VWC2: variants seen among roughly 807,000 people sequenced by gnomAD.
The protein encoded by VWC2 is brorin.
Under a neutral mutation model 29.8 loss-of-function variants are expected in VWC2, and 14 were observed. The ratio of observed to expected loss-of-function variants is 0.47; its 90% CI spans 0.31 to 0.74. The LOEUF (loss-of-function observed/expected upper bound fraction) is 0.74. Ranked by LOEUF, VWC2 falls within the 30% of genes least tolerant of loss-of-function variation. VWC2 has a pLI of 0.05. For missense variants in VWC2, 457 were observed against 459.8 expected, an observed-to-expected ratio of 0.99 and a Z score of 0.05; for synonymous variants, 213 against 199.0, an observed-to-expected ratio of 1.07 and a Z score of -0.59.
rs142414052 is a variant in VWC2, at chr7:49,846,357, T to G, written c.826+43517T>G. On this transcript the variant is annotated intron_variant, in intron 3 of 3. Transcript: ENST00000340652. ...ACCTGCACTTCTGTGATCTGGTCTC[T>G]TAACAGCTGTCCACTGTTGCTGCTC... Among the ~76,000 whole-genome samples, 188 of 152,364 alleles carry G rather than the reference T, an allele frequency of 1.2e-3. 1 individual carries two copies. In the East Asian group the frequency reaches 0.025, roughly 20 times the overall value.
intron 2 of VWC2, among the ~76,000 whole-genome samples, chr7:49,796,177 G>T (rs1253823781): frequency 6.6e-6 from 1 of 152,204 alleles, no homozygotes; most frequent in Non-Finnish European, 1.5e-5. Context: ...ACTTTATGCT[G>T]AATAGTTGTA....
At chr7:49,814,447 TC>T (rs1360168741) in intron 3 of VWC2, among the ~76,000 whole-genome samples, 1 of 152,200 alleles carries the variant, frequency 6.6e-6, no homozygotes, top group Non-Finnish European at 1.5e-5. Context: ...CTTCCTGAGA[TC>T]TTTGAATTAG....
intron 2 of VWC2, among the ~76,000 whole-genome samples, chr7:49,788,516 AG>A (rs1562704572): frequency 6.7e-6 from 1 of 148,162 alleles, no homozygotes; most frequent in Admixed American, 6.7e-5. Flanking sequence ...AGTGTGTGTG[AG>A]TGTGGGTGTG....
At chr7:49,823,298 G>C (rs1363055880) in intron 3 of VWC2, among the ~76,000 whole-genome samples, 1 of 152,120 alleles carries the variant, frequency 6.6e-6, no homozygotes, top group Non-Finnish European at 1.5e-5. Context: ...TGCATCCAGG[G>C]ACAGGGTAAA....
Position 49,775,852 on chromosome 7 carries a change from C to A in VWC2, c.417C>A (p.Pro139=), listed in dbSNP as rs1269433061. 1.3e-6 allele frequency: 2 copies of A among 1,552,460 alleles called. No individual in the cohort carries two copies. Among genetic ancestry groups the A allele is most frequent in the South Asian group, 1.2e-5 (1 of 84,268 alleles). ...TTGGCCCGGAACTCGCGCCCACGCC[C>A]GAGCCACCCGAGGAGTACGTGTACC... is the stretch of plus-strand genomic sequence containing the variant. ...DAIGPELAPT[P]EPPEEYVYPD... The change falls in exon 2 of 4, where the codon CCC becomes CCA. Residue 139 remains proline (P), a synonymous_variant. Coordinates refer to ENST00000340652, the MANE Select transcript of VWC2 (RefSeq NM_198570.5).
Position 49,919,733 on chromosome 7 carries a change from C to G in VWC2, c.*7548C>G, listed in dbSNP as rs148761237. On this transcript the variant is annotated 3_prime_UTR_variant, in exon 4 of 4. Coordinates refer to ENST00000340652, the MANE Select transcript of VWC2 (RefSeq NM_198570.5). ...AGCAATGGTGAAGGTTGTGGGTGGA[C>G]AGAGGTAGTCCCACTCATCCCCAGG... 3 of 152,408 alleles carry G rather than the reference C, an allele frequency of 2.0e-5. No homozygotes were observed. In the East Asian group the frequency reaches 5.8e-4, roughly 29 times the overall value. The allele number at this position is 152,408 out of a possible 1,614,324, so 9.4% of individuals were successfully genotyped here. A position where few individuals can be genotyped will look rare whatever the true frequency, so the allele number is the denominator to read the frequency against.
rs1481922417 is a variant in VWC2 at position 49,776,196 on chromosome 7, C to A, written c.696+65C>A. ...AGGAAGGGGTGGAACAGCTTTGGTTCTGTGGTCCCCCACTTTGAAGAAGAG... is the reference window on the plus strand; with the variant it reads ...AGGAAGGGGTGGAACAGCTTTGGTTATGTGGTCCCCCACTTTGAAGAAGAG... On this transcript the variant is annotated intron_variant, in intron 2 of 3. Transcript: ENST00000340652. 28 of 1,347,372 alleles carry A rather than the reference C, an allele frequency of 2.1e-5. No individual in the cohort carries two copies. The East Asian group carries it at 6.6e-4, about 32-fold the overall frequency. 83.5% of individuals were successfully genotyped at this position (1,347,372 alleles called of 1,614,324 possible). A position where few individuals can be genotyped will look rare whatever the true frequency, so the allele number is the denominator to read the frequency against.
At chr7:49,863,783 T>G (rs541523773) in intron 3 of VWC2, among the ~76,000 whole-genome samples, 33 of 152,286 alleles carry the variant, frequency 2.2e-4, no homozygotes, top group African/African-American at 7.2e-4. Context: ...ATTATTTCCT[T>G]CCTCCTGCTA....
At chr7:49,860,141 T>G (rs1416704523) in intron 3 of VWC2, among the ~76,000 whole-genome samples, 1 of 152,202 alleles carries the variant, frequency 6.6e-6, no homozygotes, top group African/African-American at 2.4e-5. Flanking sequence ...TCTTTTTAAG[T>G]GTTCAATCCA....
At chr7:49,784,436 T>C (rs576033933) in intron 2 of VWC2, among the ~76,000 whole-genome samples, 70 of 152,370 alleles carry the variant, frequency 4.6e-4, no homozygotes, top group African/African-American at 1.6e-3. Flanking sequence ...AAGTTGTGGC[T>C]GTCTGGGAGC....
chr7:49,778,621 G>T (rs933323630), intron 2 of VWC2, among the ~76,000 whole-genome samples: 3 of 152,242 alleles, frequency 2.0e-5, no homozygotes, highest in Non-Finnish European at 4.4e-5. Flanking sequence ...GTACAAAAGA[G>T]AAAGCAATGC....
At position 49,915,591 on chromosome 7, in the gene VWC2, T is replaced by C. The variant is rs1159686259; in HGVS notation, c.*3406T>C. 6.6e-6 allele frequency: 1 copy of C among 152,186 alleles called. No individual in the cohort carries two copies. Among genetic ancestry groups the C allele is most frequent in the Non-Finnish European group, 1.5e-5 (1 of 68,018 alleles). 9.4% of individuals were successfully genotyped at this position (152,186 alleles called of 1,614,324 possible). ...TGAAATGGGTTTTTAAATGTATACATTATCTGAAACTTACAAAATATACAC... is the reference window on the plus strand; with the variant it reads ...TGAAATGGGTTTTTAAATGTATACACTATCTGAAACTTACAAAATATACAC... On this transcript the variant is annotated 3_prime_UTR_variant, in exon 4 of 4. Transcript: ENST00000340652.
intron 3 of VWC2, among the ~76,000 whole-genome samples, chr7:49,892,273 C>G (rs1306280074): frequency 1.3e-5 from 2 of 151,864 alleles, no homozygotes; most frequent in African/African-American, 4.8e-5. Flanking sequence ...GTCTCGATCT[C>G]CTGACCTCGT....
chr7:49,793,824 G>A (rs1467336943), intron 2 of VWC2, among the ~76,000 whole-genome samples: 1 of 152,114 alleles, frequency 6.6e-6, no homozygotes, highest in South Asian at 2.1e-4. Flanking sequence ...AACTGAGAAG[G>A]GACACAGAGT....
At chr7:49,847,323 T>C (rs1337535964) in intron 3 of VWC2, among the ~76,000 whole-genome samples, 1 of 151,998 alleles carries the variant, frequency 6.6e-6, no homozygotes, top group Non-Finnish European at 1.5e-5. Context: ...TCTTTAATCC[T>C]CTATTTCTGA....
Position 49,781,723 on chromosome 7 carries a change from A to G in VWC2, c.696+5592A>G, listed in dbSNP as rs139385894. ...GAAAAAGGAAAAGTTATACAAGCCC[A>G]GAGTGCCTTGCTTATATGTATGTCC... is the stretch of plus-strand genomic sequence containing the variant. On this transcript the variant is annotated intron_variant, in intron 2 of 3. Coordinates refer to ENST00000340652, the MANE Select transcript of VWC2 (RefSeq NM_198570.5). Among the ~76,000 whole-genome samples the G allele has an allele frequency of 9.1e-3, 1,381 of 152,342 alleles. 13 individuals are homozygous for G. The highest frequency in any genetic ancestry group is 0.025 in the African/African-American group (1,036 of 41,580).
chr7:49,792,459 G>A (rs1400805972), intron 2 of VWC2, among the ~76,000 whole-genome samples: 1 of 152,318 alleles, frequency 6.6e-6, no homozygotes, highest in Non-Finnish European at 1.5e-5. Context: ...CAGTGACTGC[G>A]AGGATTGGTA....
intron 3 of VWC2, among the ~76,000 whole-genome samples, chr7:49,852,634 G>T (rs1260641119): frequency 1.3e-5 from 2 of 152,116 alleles, no homozygotes; most frequent in Non-Finnish European, 2.9e-5. Flanking sequence ...GTGGGTGCAA[G>T]GTGATGTCTC....
intron 3 of VWC2, among the ~76,000 whole-genome samples, chr7:49,879,663 G>C (rs1480488866): frequency 1.3e-5 from 2 of 152,102 alleles, no homozygotes; most frequent in Non-Finnish European, 1.5e-5. Context: ...TTGTACTGCA[G>C]TTTTTGTGAT....
Sources: gnomAD v4.1 joint callset for allele counts (sites outside exome capture counted in the v4.1 genomes callset) on GRCh38, gnomAD v4.1.1 for gene constraint, MANE v1.5 for transcripts, NCBI Gene and HGNC (gene_info 2026-07-23, HGNC 2026-07-21) for gene names.